Variants in ARHGAP26 observed in about 807,000 individuals in gnomAD.
ARHGAP26 encodes the protein rho GTPase-activating protein 26.
A neutral mutation model predicts 104.8 loss-of-function variants in ARHGAP26; 38 were observed. The observed-to-expected ratio is 0.36, with a 90% CI of 0.28 to 0.48. The LOEUF (loss-of-function observed/expected upper bound fraction) is 0.48. Among genes scored for constraint, ARHGAP26 ranks in the 20% least tolerant of loss-of-function variants. The pLI, the probability that ARHGAP26 is intolerant of heterozygous loss-of-function variation, is 0.99. For synonymous variants in ARHGAP26, 341 were observed against 340.0 expected, an observed-to-expected ratio of 1.00 and a Z score of -0.03; for missense variants, 704 against 947.9, an observed-to-expected ratio of 0.74 and a Z score of 3.38.
intron 11 of ARHGAP26, among the ~76,000 whole-genome samples, chr5:142,953,614 C>T (rs551753370): frequency 1.6e-4 from 24 of 152,270 alleles, no homozygotes; most frequent in African/African-American, 5.1e-4. Flanking sequence ...CTGCCTGTTA[C>T]GCTGGTTCAC....
At chr5:142,804,142 A>G (rs1353974338) in intron 1 of ARHGAP26, among the ~76,000 whole-genome samples, 1 of 152,202 alleles carries the variant, frequency 6.6e-6, no homozygotes, top group Non-Finnish European at 1.5e-5. Flanking sequence ...CAAATATTGC[A>G]AGTATAGGTT....
chr5:143,142,251 G>T (rs1051999420), intron 19 of ARHGAP26, among the ~76,000 whole-genome samples: 1 of 143,750 alleles, frequency 7.0e-6, no homozygotes, highest in African/African-American at 2.6e-5. Context: ...TGATTCTCCC[G>T]CCTTAGCCTC....
chr5:143,073,645 T>G (rs1456279253), intron 17 of ARHGAP26, among the ~76,000 whole-genome samples: 3 of 152,238 alleles, frequency 2.0e-5, no homozygotes, highest in Non-Finnish European at 4.4e-5. Context: ...GCCTTCAGTT[T>G]CTTCATCTAC....
chr5:142,898,199 C>T (rs1759761041), intron 6 of ARHGAP26, among the ~76,000 whole-genome samples: 1 of 151,838 alleles, frequency 6.6e-6, no homozygotes, highest in African/African-American at 2.4e-5. Context: ...CACATATATA[C>T]ACACACATAC....
chr5:142,994,583 A>G (rs767032034), intron 11 of ARHGAP26, among the ~76,000 whole-genome samples: 5 of 152,152 alleles, frequency 3.3e-5, no homozygotes, highest in Non-Finnish European at 5.9e-5. Context: ...CCCAGATGGG[A>G]CTGTTGGGAC....
chr5:143,062,901 A>T (rs574127773), intron 17 of ARHGAP26, among the ~76,000 whole-genome samples: 87 of 152,352 alleles, frequency 5.7e-4, no homozygotes, highest in African/African-American at 1.8e-3. Flanking sequence ...TGCCATCAAG[A>T]CTAGTCCAAA....
At chr5:142,771,248 C>T (rs1166517338) in intron 1 of ARHGAP26, 1 of 1,254,670 alleles carries the variant, frequency 8.0e-7, no homozygotes, top group East Asian at 3.1e-5. Flanking sequence ...CGCGCCGCAG[C>T]CAGCGGGCAG....
intron 1 of ARHGAP26, among the ~76,000 whole-genome samples, chr5:142,873,157 G>C (rs1755569483): frequency 6.6e-6 from 1 of 152,246 alleles, no homozygotes; most frequent in Non-Finnish European, 1.5e-5. Flanking sequence ...CCTTTAGAAA[G>C]TAGAGATAGA....
intron 7 of ARHGAP26, among the ~76,000 whole-genome samples, chr5:142,902,445 C>T (rs533703638): frequency 1.1e-4 from 17 of 152,180 alleles, no homozygotes; most frequent in Non-Finnish European, 2.2e-4. Flanking sequence ...ACATGCTGGC[C>T]TCCAGCTCAA....
At chr5:143,039,139 C>G (rs1191833085) in intron 13 of ARHGAP26, among the ~76,000 whole-genome samples, 1 of 151,980 alleles carries the variant, frequency 6.6e-6, no homozygotes, top group Admixed American at 6.6e-5. Flanking sequence ...TTCCCTTTGA[C>G]TCATCTATTT....
chr5:142,947,095 T>TTAAAAA (rs1491383996), intron 11 of ARHGAP26: 2 of 70,684 alleles, frequency 2.8e-5, no homozygotes, highest in African/African-American at 1.0e-4. Context: ...TTTTTAAAAG[T>TTAAAAA]AAAAAAAAAA....
At chr5:142,895,555 A>G (rs1759361573) in intron 6 of ARHGAP26, among the ~76,000 whole-genome samples, 1 of 152,132 alleles carries the variant, frequency 6.6e-6, no homozygotes, top group African/African-American at 2.4e-5. Context: ...TCTTAAGCAA[A>G]TAAGAATAAA....
intron 6 of ARHGAP26, 98 bp downstream of exon 6, chr5:142,894,446 G>T (rs1759176065): frequency 8.9e-7 from 1 of 1,121,244 alleles, no homozygotes. Flanking sequence ...TGATGAAGAG[G>T]TTGAGCAGCC....
intron 1 of ARHGAP26, among the ~76,000 whole-genome samples, chr5:142,796,324 CT>C (rs1760987156): frequency 6.6e-6 from 1 of 152,154 alleles, no homozygotes; most frequent in South Asian, 2.1e-4. Flanking sequence ...TTGCCTCTGT[CT>C]TTGAGCAAAT....
At chr5:142,859,622 T>C (rs1597949767) in intron 1 of ARHGAP26, 1 of 152,244 alleles carries the variant, frequency 6.6e-6, no homozygotes. Context: ...CTCATATGCA[T>C]TTATTTCATT....
At chr5:142,862,358 C>T (rs1343476376) in intron 1 of ARHGAP26, among the ~76,000 whole-genome samples, 1 of 152,218 alleles carries the variant, frequency 6.6e-6, no homozygotes, top group Admixed American at 6.5e-5. Flanking sequence ...GAAAGATTTG[C>T]ATCCTGTGAT....
intron 11 of ARHGAP26, among the ~76,000 whole-genome samples, chr5:143,002,571 A>C (rs1008237414): frequency 6.6e-6 from 1 of 152,180 alleles, no homozygotes; most frequent in South Asian, 2.1e-4. Flanking sequence ...CTAGAGCCGT[A>C]AGACTCCTCA....
At chr5:142,949,834 G>A (rs1598359876) in intron 11 of ARHGAP26, among the ~76,000 whole-genome samples, 2 of 152,216 alleles carry the variant, frequency 1.3e-5, no homozygotes, top group African/African-American at 2.4e-5. Context: ...GACATACAGG[G>A]TGTTGGCATA....
intron 11 of ARHGAP26, among the ~76,000 whole-genome samples, chr5:142,962,961 A>G (rs1255623724): frequency 6.6e-6 from 1 of 150,734 alleles, no homozygotes; most frequent in Non-Finnish European, 1.5e-5. Flanking sequence ...CCCACCCTCC[A>G]CTCTCAAGTA....
Sources: gnomAD v4.1 joint callset for allele counts (sites outside exome capture counted in the v4.1 genomes callset) on GRCh38, gnomAD v4.1.1 for gene constraint, MANE v1.5 for transcripts, NCBI Gene and HGNC (gene_info 2026-07-23, HGNC 2026-07-21) for gene names.